NRG3: variants seen among roughly 807,000 people sequenced by gnomAD.
The protein encoded by NRG3 is neuregulin 3.
In NRG3, 31 loss-of-function variants were observed where a neutral mutation model predicts 66.9. The observed-to-expected ratio is 0.46, with a 90% CI of 0.35 to 0.63. NRG3 has a LOEUF of 0.63. Ranked by LOEUF, NRG3 falls within the 20% of genes least tolerant of loss-of-function variation. The probability of loss-of-function intolerance (pLI) is 0.00; values close to 1 mark genes in which losing one functional copy is unlikely to be tolerated. For synonymous variants in NRG3, 393 were observed against 359.4 expected, an observed-to-expected ratio of 1.09 and a Z score of -1.06; for missense variants, 910 against 878.9, an observed-to-expected ratio of 1.04 and a Z score of -0.45.
intron 2 of NRG3, among the ~76,000 whole-genome samples, chr10:82,611,240 T>C (rs2048293514): frequency 6.6e-6 from 1 of 152,016 alleles, no homozygotes; most frequent in South Asian, 2.1e-4. Flanking sequence ...TCTTTTAAAA[T>C]TATTTTTTTA....
intron 1 of NRG3, among the ~76,000 whole-genome samples, chr10:81,910,056 C>G (rs2132735430): frequency 6.6e-6 from 1 of 152,270 alleles, no homozygotes; most frequent in East Asian, 1.9e-4. Context: ...AACATCTAAA[C>G]TCATATTCAG....
intron 2 of NRG3, among the ~76,000 whole-genome samples, chr10:82,500,393 G>T (rs141441802): frequency 6.6e-6 from 1 of 152,096 alleles, no homozygotes; most frequent in Non-Finnish European, 1.5e-5. Flanking sequence ...CATATACTTG[G>T]CAAGTCCACC....
At chr10:82,344,048 C>A (rs957981313) in intron 1 of NRG3, among the ~76,000 whole-genome samples, 4 of 149,146 alleles carry the variant, frequency 2.7e-5, no homozygotes. Flanking sequence ...TTTAAAAAAA[C>A]TGCTTTTTTT....
chr10:82,050,532 C>T (rs12358593), intron 1 of NRG3, among the ~76,000 whole-genome samples: 37,296 of 151,628 alleles, frequency 0.25, 4,693 homozygotes, highest in Middle Eastern at 0.33. Context: ...TGCAGACTAA[C>T]GGCACAAAGA....
At chr10:82,414,894 G>T (rs2088420702) in intron 2 of NRG3, among the ~76,000 whole-genome samples, 1 of 152,144 alleles carries the variant, frequency 6.6e-6, no homozygotes, top group African/African-American at 2.4e-5. Context: ...CCTTCTTTCT[G>T]AAAACCCTCA....
intron 1 of NRG3, among the ~76,000 whole-genome samples, chr10:81,967,413 A>C (rs2133338165): frequency 6.6e-6 from 1 of 152,024 alleles, no homozygotes; most frequent in South Asian, 2.1e-4. Flanking sequence ...AACTTTAGAA[A>C]TATTCTGAGA....
chr10:82,057,189 T>C (rs2133197737), intron 1 of NRG3, among the ~76,000 whole-genome samples: 1 of 152,308 alleles, frequency 6.6e-6, no homozygotes, highest in Non-Finnish European at 1.5e-5. Context: ...TTTTTCAATG[T>C]ACTAATTTTC....
chr10:82,574,498 A>G (rs1449342972), intron 2 of NRG3, among the ~76,000 whole-genome samples: 2 of 151,784 alleles, frequency 1.3e-5, no homozygotes, highest in African/African-American at 2.4e-5. Flanking sequence ...TTAACAATAT[A>G]GTGTATTTTT....
At chr10:82,040,816 C>T (rs533535452) in intron 1 of NRG3, among the ~76,000 whole-genome samples, 6 of 151,992 alleles carry the variant, frequency 3.9e-5, no homozygotes, top group Non-Finnish European at 8.8e-5. Flanking sequence ...TCTCCCTGCC[C>T]CAGTATATGT....
chr10:82,052,956 A>G (rs529206611), intron 1 of NRG3, among the ~76,000 whole-genome samples: 278 of 152,258 alleles, frequency 1.8e-3, no homozygotes, highest in African/African-American at 6.5e-3. Context: ...AAGAGCAAGT[A>G]ATTTACCAAT....
At chr10:82,736,505 G>A (rs905732594) in intron 2 of NRG3, among the ~76,000 whole-genome samples, 4 of 152,222 alleles carry the variant, frequency 2.6e-5, no homozygotes, top group African/African-American at 9.6e-5. Flanking sequence ...CCCCTGGGGG[G>A]CTTCCTAGCC....
intron 2 of NRG3, among the ~76,000 whole-genome samples, chr10:82,405,458 G>GTTT (rs10676885): frequency 7.1e-6 from 1 of 140,328 alleles, no homozygotes; most frequent in South Asian, 2.2e-4. Flanking sequence ...TCAGTAGTTT[G>GTTT]TTTTTTTTTT....
chr10:82,287,145 G>C (rs928891335), intron 1 of NRG3, among the ~76,000 whole-genome samples: 2 of 152,094 alleles, frequency 1.3e-5, no homozygotes, highest in Non-Finnish European at 2.9e-5. Context: ...GTAATTCCCA[G>C]TATTGGAGGT....
At chr10:81,905,005 C>T (rs1844447878) in intron 1 of NRG3, among the ~76,000 whole-genome samples, 1 of 152,130 alleles carries the variant, frequency 6.6e-6, no homozygotes, top group South Asian at 2.1e-4. Context: ...GTACTAAATA[C>T]CAGGCGTCCA....
At chr10:82,173,007 A>T (rs961619589) in intron 1 of NRG3, among the ~76,000 whole-genome samples, 14 of 152,124 alleles carry the variant, frequency 9.2e-5, no homozygotes, top group Admixed American at 8.5e-4. Context: ...GTGCAGGAAA[A>T]TCCATAAGCT....
intron 2 of NRG3, among the ~76,000 whole-genome samples, chr10:82,436,388 T>TA (rs2090141325): frequency 6.6e-6 from 1 of 152,164 alleles, no homozygotes; most frequent in Non-Finnish European, 1.5e-5. Flanking sequence ...ATTTGCTTGG[T>TA]AAATTTTCCT....
At chr10:82,239,087 A>G (rs985991217) in intron 1 of NRG3, among the ~76,000 whole-genome samples, 2 of 150,978 alleles carry the variant, frequency 1.3e-5, no homozygotes, top group African/African-American at 4.9e-5. Flanking sequence ...TTCCAGTTTT[A>G]TTTTGATATA....
chr10:81,908,962 C>G (rs1374772671), intron 1 of NRG3, among the ~76,000 whole-genome samples: 2 of 152,036 alleles, frequency 1.3e-5, no homozygotes, highest in African/African-American at 4.8e-5. Flanking sequence ...TTTTCTAGGA[C>G]TGTTACAATA....
intron 3 of NRG3, among the ~76,000 whole-genome samples, chr10:82,785,500 T>C (rs570493553): frequency 6.6e-6 from 1 of 152,274 alleles, no homozygotes; most frequent in East Asian, 1.9e-4. Flanking sequence ...TAAAGGCTAC[T>C]CTGACAAGGT....
Sources: gnomAD v4.1 joint callset for allele counts (sites outside exome capture counted in the v4.1 genomes callset) on GRCh38, gnomAD v4.1.1 for gene constraint, MANE v1.5 for transcripts, NCBI Gene and HGNC (gene_info 2026-07-23, HGNC 2026-07-21) for gene names.